The following ADAMTS12 variants were observed in gnomAD, a reference collection of about 807,000 sequenced individuals.
The protein encoded by ADAMTS12 is ADAM metallopeptidase with thrombospondin type 1 motif 12.
A neutral mutation model predicts 167.8 loss-of-function variants in ADAMTS12; 118 were observed. That is an observed-to-expected ratio of 0.70 (90% CI 0.61 to 0.82). ADAMTS12 has a LOEUF of 0.82. Among genes scored for constraint, ADAMTS12 ranks in the 40% least tolerant of loss-of-function variants. ADAMTS12 has a pLI of 0.00. For synonymous variants in ADAMTS12, 704 were observed against 716.9 expected (o/e 0.98, Z 0.29); for missense variants, 1,916 against 1,998.8 (o/e 0.96, Z 0.79).
chr5:33,544,980 C>T (rs1373044920), intron 22 of ADAMTS12, among the ~76,000 whole-genome samples: 1 of 152,196 alleles, frequency 6.6e-6, no homozygotes, highest in East Asian at 1.9e-4. Context: ...GCACCAAAAG[C>T]AATGGCAACA....
At chr5:33,760,493 T>C (rs927789409) in intron 2 of ADAMTS12, among the ~76,000 whole-genome samples, 19 of 152,194 alleles carry the variant, frequency 1.2e-4, no homozygotes, top group Admixed American at 2.0e-4. Context: ...AAAATGGGCA[T>C]TCTGAAAGAA....
intron 3 of ADAMTS12, among the ~76,000 whole-genome samples, chr5:33,729,932 T>C (rs756023645): frequency 2.6e-5 from 4 of 152,226 alleles, no homozygotes; most frequent in Non-Finnish European, 5.9e-5. Context: ...TATTACTTAC[T>C]AAACCACCCA....
intron 3 of ADAMTS12, among the ~76,000 whole-genome samples, chr5:33,685,954 A>T (rs1345644553): frequency 6.6e-6 from 1 of 152,172 alleles, no homozygotes; most frequent in Non-Finnish European, 1.5e-5. Flanking sequence ...TAAGCCAAGC[A>T]GCCAGCCCAC....
chr5:33,549,431 G>C, intron 20 of ADAMTS12, 48 bp from the exon 21 acceptor site: 1 of 1,582,002 alleles, frequency 6.3e-7, no homozygotes, highest in Middle Eastern at 1.7e-4. Context: ...ATTGGCATCA[G>C]GCCTCCCTTC....
intron 10 of ADAMTS12, among the ~76,000 whole-genome samples, chr5:33,642,616 C>T (rs994030250): frequency 2.0e-5 from 3 of 152,174 alleles, no homozygotes; most frequent in South Asian, 2.1e-4. Flanking sequence ...AATCCTTCCA[C>T]GACTATCGGT....
chr5:33,730,028 C>T (rs1744127252), intron 3 of ADAMTS12, among the ~76,000 whole-genome samples: 1 of 152,136 alleles, frequency 6.6e-6, no homozygotes, highest in African/African-American at 2.4e-5. Context: ...TTCTGGAGCT[C>T]CAAGGCAAAA....
intron 23 of ADAMTS12, among the ~76,000 whole-genome samples, chr5:33,534,271 A>C (rs1744260207): frequency 6.6e-6 from 1 of 152,056 alleles, no homozygotes; most frequent in South Asian, 2.1e-4. Flanking sequence ...GACCAGGCTG[A>C]AGCTAGGACT....
At position 33,891,826 on chromosome 5, in the gene ADAMTS12, T is replaced by C; in HGVS notation, c.31A>G (p.Asn11Asp). 1.2e-6 allele frequency: 2 copies of C among 1,614,202 alleles called. No individual in the cohort carries two copies. The highest frequency in any genetic ancestry group is 1.7e-6 in the Non-Finnish European group (2 of 1,180,030). Residue 11 changes from asparagine to aspartate, a missense_variant, in exon 1 of 24, where the codon AAC (asparagine) becomes GAC (aspartate). By Grantham distance (23) the Asn-to-Asp change is conservative (BLOSUM62 1). Transcript: ENST00000504830. MPCAQRSWLA[N>D]LSVVAQLLNF... ...AGGAGCTGAGCCACCACGGAAAGGT[T>C]TGCAAGCCAGCTCCTCTGGGCACAT...
rs145467274 is a variant in ADAMTS12, at chr5:33,749,411, T to A, written c.634+1993A>T. Among the ~76,000 whole-genome samples the A allele has an allele frequency of 7.9e-5, 12 of 152,044 alleles. No homozygotes were observed. The East Asian group carries it at 1.9e-3, about 24-fold the overall frequency. ...CCTTCTCTGAGACACAACTATCTCT[T>A]TGGTGAAAGAAGGAAGGAAGCTACA... On this transcript the variant is annotated intron_variant, in intron 3 of 23. Coordinates refer to ENST00000504830, the MANE Select transcript of ADAMTS12 (RefSeq NM_030955.4).
At chr5:33,746,952 A>G (rs1271900461) in intron 3 of ADAMTS12, among the ~76,000 whole-genome samples, 1 of 152,186 alleles carries the variant, frequency 6.6e-6, no homozygotes, top group African/African-American at 2.4e-5. Flanking sequence ...TGGCCTGCCC[A>G]TGAATTTGGG....
chr5:33,807,288 A>G (rs1284252303), intron 2 of ADAMTS12, among the ~76,000 whole-genome samples: 2 of 152,248 alleles, frequency 1.3e-5, no homozygotes, highest in Non-Finnish European at 2.9e-5. Context: ...TGGACACTTC[A>G]TCTGTTTCTT....
intron 20 of ADAMTS12, 90 bp downstream of exon 20, chr5:33,560,937 A>G: frequency 7.1e-7 from 1 of 1,408,164 alleles, no homozygotes; most frequent in Non-Finnish European, 9.6e-7. Flanking sequence ...AAAAAAAAAA[A>G]CGACTTTAGC....
intron 1 of ADAMTS12, among the ~76,000 whole-genome samples, chr5:33,882,889 GAAAC>G (rs1750502348): frequency 1.3e-5 from 2 of 152,110 alleles, no homozygotes; most frequent in South Asian, 2.1e-4. Context: ...CTAATATTTT[GAAAC>G]AAACAAACAA....
At chr5:33,597,896 A>G (rs2112040262) in intron 16 of ADAMTS12, among the ~76,000 whole-genome samples, 1 of 152,332 alleles carries the variant, frequency 6.6e-6, no homozygotes, top group Middle Eastern at 3.4e-3. Context: ...CTTGATGTCA[A>G]AACATGAAAA....
At chr5:33,849,512 T>TATATATATATGTATTGCATAGCA (rs1749121324) in intron 2 of ADAMTS12, among the ~76,000 whole-genome samples, 1 of 134,936 alleles carries the variant, frequency 7.4e-6, no homozygotes, top group African/African-American at 3.4e-5. Flanking sequence ...TGCATAGCAA[T>TATATATATATGTATTGCATAGCA]ATATATATAT....
chr5:33,585,524 C>T (rs770815221), intron 18 of ADAMTS12, among the ~76,000 whole-genome samples: 3 of 152,180 alleles, frequency 2.0e-5, no homozygotes, highest in Non-Finnish European at 2.9e-5. Context: ...CATTTGAACC[C>T]AGGAAGCCAT....
Position 33,630,886 on chromosome 5 carries a change from G to C in ADAMTS12, c.1916C>G (p.Pro639Arg), listed in dbSNP as rs552049994. 10 of 1,613,492 alleles carry C rather than the reference G, an allele frequency of 6.2e-6. No individual in the cohort carries two copies. In the South Asian group the frequency reaches 1.1e-4, roughly 18 times the overall value. The change falls in exon 13 of 24, where the codon CCC becomes CGC. Residue 639 changes from proline to arginine, a missense_variant. Transcript: ENST00000504830. ...PAHPCELYCR[P>R]IDGQFSEKML... ...TTTCTCAGAAAACTGGCCATCTATG[G>C]GTCGGCAGTAGAGCTCACAAGGATG... is the stretch of plus-strand genomic sequence containing the variant.
intron 3 of ADAMTS12, among the ~76,000 whole-genome samples, chr5:33,739,326 C>T (rs985222191): frequency 5.9e-5 from 9 of 151,860 alleles, no homozygotes; most frequent in Admixed American, 3.9e-4. Context: ...ACACACACTA[C>T]GCACAGCCCC....
intron 3 of ADAMTS12, among the ~76,000 whole-genome samples, chr5:33,707,974 C>A (rs1457971313): frequency 1.3e-5 from 2 of 152,106 alleles, no homozygotes; most frequent in Non-Finnish European, 2.9e-5. Flanking sequence ...AGAGCTTCTG[C>A]ACAGCAAAAT....
Sources: gnomAD v4.1 joint callset for allele counts (sites outside exome capture counted in the v4.1 genomes callset) on GRCh38, gnomAD v4.1.1 for gene constraint, MANE v1.5 for transcripts, NCBI Gene and HGNC (gene_info 2026-07-23, HGNC 2026-07-21) for gene names.